Variants in EEFSEC observed in about 807,000 individuals in gnomAD.
EEFSEC encodes eukaryotic elongation factor, selenocysteine-tRNA specific.
Under a neutral mutation model 42.1 loss-of-function variants are expected in EEFSEC, and 43 were observed. That is an observed-to-expected ratio of 1.02 (90% CI 0.80 to 1.32). The LOEUF (loss-of-function observed/expected upper bound fraction) is 1.32. EEFSEC is among the 40% of genes most tolerant of loss of function. The probability of loss-of-function intolerance (pLI) is 0.00; values close to 1 mark genes in which losing one functional copy is unlikely to be tolerated. For synonymous variants in EEFSEC, 354 were observed against 339.1 expected (o/e 1.04, Z -0.48); for missense variants, 745 against 803.6 (o/e 0.93, Z 0.88).
rs2108031931 is a variant in EEFSEC at position 128,317,982 on chromosome 3, T to C, written c.787-23251T>C. 6.6e-6 allele frequency among the ~76,000 whole-genome samples: 1 copy of C among 152,354 alleles called. No individual in the cohort carries two copies. Among genetic ancestry groups the C allele is most frequent in the Admixed American group, 6.5e-5 (1 of 15,310 alleles). On this transcript the variant is annotated intron_variant, in intron 4 of 6. Transcript: ENST00000254730. This position sits in a 1 kb window ranked among gnomAD's most constrained non-coding sequence, Gnocchi z 4.1. Reference sequence around the variant, plus strand: ...CCATGGGAACTGGTTGTTAGGTGACTGTGCACTCCAGGCAGAGGCAGGATG... The same window carrying C: ...CCATGGGAACTGGTTGTTAGGTGACCGTGCACTCCAGGCAGAGGCAGGATG...
chr3:128,341,753 A>T lies in EEFSEC; in HGVS notation c.1307A>T (p.Asp436Val), dbSNP rs1337167281. Residue 436 changes from aspartate to valine, a missense_variant, in exon 5 of 7, where the codon GAC becomes GTC. By Grantham distance (152) the Asp-to-Val change is radical (BLOSUM62 -3). Coordinates refer to ENST00000254730, the MANE Select transcript of EEFSEC (RefSeq NM_021937.5). The stretch of plus-strand genomic sequence containing the variant: ...GTGATTGGCTCCAGGCTAGATGCGG[A>T]CATTCACACCAACACGTGCCGGCTA... ...CLVIGSRLDA[D>V]IHTNTCRLAF... 1 of 1,614,000 alleles carries T rather than the reference A, an allele frequency of 6.2e-7. No individual in the cohort carries two copies. The highest frequency in any genetic ancestry group is 8.5e-7 in the Non-Finnish European group (1 of 1,180,042).
chr3:128,401,286 C>A (rs577128537), intron 6 of EEFSEC, among the ~76,000 whole-genome samples: 2 of 152,336 alleles, frequency 1.3e-5, no homozygotes, highest in South Asian at 4.1e-4. Flanking sequence ...TTCTTCCCTC[C>A]GCTGTCCTGC....
intron 5 of EEFSEC, among the ~76,000 whole-genome samples, chr3:128,349,124 A>C (rs1267153742): frequency 6.6e-6 from 1 of 152,218 alleles, no homozygotes; most frequent in Admixed American, 6.5e-5. Context: ...GCTTCTGTAA[A>C]GCATAGAGGC....
chr3:128,325,777 C>T (rs2067057402), intron 4 of EEFSEC, among the ~76,000 whole-genome samples: 1 of 152,096 alleles, frequency 6.6e-6, no homozygotes, highest in Non-Finnish European at 1.5e-5. Context: ...ATTATTGGTT[C>T]AGTATTACAG....
At chr3:128,316,515 C>T (rs1473160300) in intron 4 of EEFSEC, among the ~76,000 whole-genome samples, 9 of 152,200 alleles carry the variant, frequency 5.9e-5, no homozygotes, top group Admixed American at 2.0e-4. Flanking sequence ...TCGACAGGCA[C>T]GTGGTTTCCA....
At position 128,157,651 on chromosome 3, in the gene EEFSEC, T is replaced by C. The variant is rs139967255; in HGVS notation, c.316+3828T>C. ...GCCTGGATGACAGCACATCTGTTTA[T>C]AGCATGGTTTACTGAATATTTTAAG... On this transcript the variant is annotated intron_variant, in intron 1 of 6. Coordinates refer to ENST00000254730, the MANE Select transcript of EEFSEC (RefSeq NM_021937.5). 2.5e-3 allele frequency among the ~76,000 whole-genome samples: 386 copies of C among 152,330 alleles called. 3 individuals carry two copies. The highest frequency in any genetic ancestry group is 8.9e-3 in the African/African-American group (368 of 41,572).
chr3:128,304,077 G>GTT (rs554576554), intron 4 of EEFSEC, among the ~76,000 whole-genome samples: 28 of 139,386 alleles, frequency 2.0e-4, no homozygotes, highest in African/African-American at 5.5e-4. Flanking sequence ...TTCATAATAG[G>GTT]TTTTTTTTTT....
At chr3:128,186,973 A>G (rs1039207378) in intron 1 of EEFSEC, among the ~76,000 whole-genome samples, 6 of 152,222 alleles carry the variant, frequency 3.9e-5, no homozygotes, top group African/African-American at 1.2e-4. Flanking sequence ...CCCTAGGGAC[A>G]GTGTCTGAGG....
In EEFSEC at chr3:128,171,152, G is replaced by A. The variant is rs150039265; in HGVS notation, c.316+17329G>A. Among the ~76,000 whole-genome samples, 556 of 152,268 alleles carry A rather than the reference G, an allele frequency of 3.7e-3. 2 individuals are homozygous for A. The highest frequency in any genetic ancestry group is 6.5e-3 in the Non-Finnish European group (441 of 68,018). On this transcript the variant is annotated intron_variant, in intron 1 of 6. Transcript: ENST00000254730. Reference sequence around the variant, plus strand: ...AGTATTTGCTTACAGTCTTGGATCGGGATGATCAATGTGTAGTTTCACAGG... The same window carrying A: ...AGTATTTGCTTACAGTCTTGGATCGAGATGATCAATGTGTAGTTTCACAGG...
chr3:128,349,256 C>T (rs1293921216), intron 5 of EEFSEC, among the ~76,000 whole-genome samples: 2 of 151,422 alleles, frequency 1.3e-5, no homozygotes, highest in Admixed American at 1.3e-4. Context: ...AGGTTGGGGG[C>T]TATGGGGGGT....
At chr3:128,306,985 G>T (rs1318860306) in intron 4 of EEFSEC, among the ~76,000 whole-genome samples, 1 of 152,244 alleles carries the variant, frequency 6.6e-6, no homozygotes, top group Non-Finnish European at 1.5e-5. Context: ...GTTGTAGCAA[G>T]CAGGGTAACC....
intron 4 of EEFSEC, among the ~76,000 whole-genome samples, chr3:128,334,844 A>G (rs2067172481): frequency 6.6e-6 from 1 of 152,216 alleles, no homozygotes. Context: ...CGGACCTCCC[A>G]GAGGCCACCA....
At chr3:128,366,444 A>G (rs1274811416) in intron 6 of EEFSEC, among the ~76,000 whole-genome samples, 1 of 152,230 alleles carries the variant, frequency 6.6e-6, no homozygotes, top group Non-Finnish European at 1.5e-5. Context: ...CCAGCAGCCC[A>G]GGGAAACCAG....
chr3:128,407,864 GC>G (rs1186894211), intron 6 of EEFSEC, among the ~76,000 whole-genome samples: 1 of 152,152 alleles, frequency 6.6e-6, no homozygotes, highest in Non-Finnish European at 1.5e-5. Flanking sequence ...GTGAGCTGAG[GC>G]CCCAAGAGGC....
chr3:128,246,790 C>A lies in EEFSEC; in HGVS notation c.317-46C>A, dbSNP rs1224920140. The A allele has an allele frequency of 5.6e-6, 9 of 1,602,578 alleles. No individual in the cohort carries two copies. The East Asian group carries it at 2.0e-4, about 36-fold the overall frequency. ...GGGCATTGGGCAACTTTCTGTGGGG[C>A]TCACCACCCCTTTTCCCTTTCTAAC... On this transcript the variant is annotated intron_variant, in intron 1 of 6. Coordinates refer to ENST00000254730, the MANE Select transcript of EEFSEC (RefSeq NM_021937.5).
intron 1 of EEFSEC, among the ~76,000 whole-genome samples, chr3:128,163,944 A>T (rs2065218628): frequency 6.8e-6 from 1 of 147,588 alleles, no homozygotes; most frequent in Admixed American, 6.9e-5. Context: ...TTGTGAAAAA[A>T]AAAAAAAACA....
chr3:128,225,557 T>C (rs1165216199), intron 1 of EEFSEC, among the ~76,000 whole-genome samples: 3 of 152,254 alleles, frequency 2.0e-5, no homozygotes, highest in African/African-American at 7.2e-5. Context: ...GTGAAGATAA[T>C]GTGAATGCAG....
chr3:128,251,039 T>C (rs1315106824), intron 2 of EEFSEC, among the ~76,000 whole-genome samples: 1 of 152,046 alleles, frequency 6.6e-6, no homozygotes, highest in Non-Finnish European at 1.5e-5. Flanking sequence ...TTAATTTATT[T>C]TGGATTGTTC....
At chr3:128,337,726 G>T (rs2067206040) in intron 4 of EEFSEC, among the ~76,000 whole-genome samples, 1 of 152,232 alleles carries the variant, frequency 6.6e-6, no homozygotes, top group African/African-American at 2.4e-5. Flanking sequence ...CACAGTCCTT[G>T]TCTCGGGATT....
Sources: gnomAD v4.1 joint callset for allele counts (sites outside exome capture counted in the v4.1 genomes callset) on GRCh38, gnomAD v4.1.1 for gene constraint, Gnocchi (gnomAD v3.1) non-coding constraint, MANE v1.5 for transcripts, NCBI Gene and HGNC (gene_info 2026-07-23, HGNC 2026-07-21) for gene names.